The following NRG3 variants were observed in gnomAD, a reference collection of about 807,000 sequenced individuals.
The protein encoded by NRG3 is neuregulin 3, also known as pro-neuregulin-3, membrane-bound isoform.
NRG3 carries 31 observed loss-of-function variants against 66.9 expected under a neutral mutation model. The observed-to-expected ratio is 0.46, with a 90% CI of 0.35 to 0.63. The LOEUF (loss-of-function observed/expected upper bound fraction) is 0.63. Among genes scored for constraint, NRG3 ranks in the 20% least tolerant of loss-of-function variants. The probability of loss-of-function intolerance (pLI) is 0.00; values close to 1 mark genes in which losing one functional copy is unlikely to be tolerated. For synonymous variants in NRG3, 393 were observed against 359.4 expected (o/e 1.09, Z -1.06); for missense variants, 910 against 878.9 (o/e 1.04, Z -0.45).
chr10:82,644,213 A>C (rs1022936746), intron 2 of NRG3, among the ~76,000 whole-genome samples: 3 of 152,110 alleles, frequency 2.0e-5, no homozygotes, highest in Non-Finnish European at 4.4e-5. Context: ...CCACTTTCAG[A>C]GGTACCTGAT....
intron 1 of NRG3, among the ~76,000 whole-genome samples, chr10:82,328,128 A>G (rs2081964867): frequency 6.6e-6 from 1 of 152,320 alleles, no homozygotes; most frequent in East Asian, 1.9e-4. Context: ...AGGTGTTTAC[A>G]CAGAATTTGT....
intron 1 of NRG3, among the ~76,000 whole-genome samples, chr10:81,877,120 A>G (rs1224823118): frequency 6.6e-6 from 1 of 152,222 alleles, no homozygotes; most frequent in Non-Finnish European, 1.5e-5. Flanking sequence ...TGGGCTCAGT[A>G]TGAGCCAGTA....
intron 1 of NRG3, among the ~76,000 whole-genome samples, chr10:82,331,061 T>C (rs2135270926): frequency 6.6e-6 from 1 of 152,320 alleles, no homozygotes; most frequent in African/African-American, 2.4e-5. Flanking sequence ...GCATGAAAAC[T>C]AGGCCCACAC....
chr10:81,895,614 A>C (rs1435272849), intron 1 of NRG3, among the ~76,000 whole-genome samples: 1 of 152,142 alleles, frequency 6.6e-6, no homozygotes, highest in African/African-American at 2.4e-5. Flanking sequence ...ACTCTTAATG[A>C]TGAGATTATG....
intron 2 of NRG3, among the ~76,000 whole-genome samples, chr10:82,499,612 A>G (rs1843961629): frequency 6.6e-6 from 1 of 152,190 alleles, no homozygotes; most frequent in Non-Finnish European, 1.5e-5. Context: ...TCTCTAAGCA[A>G]AAAATAGGAC....
intron 1 of NRG3, among the ~76,000 whole-genome samples, chr10:82,092,565 A>G (rs1024193): frequency 0.69 from 104,600 of 151,880 alleles, 36,245 homozygotes; most frequent in Middle Eastern, 0.77. Flanking sequence ...TCCACAAAGA[A>G]GCATATCTTA....
At chr10:82,178,719 A>G (rs1036414726) in intron 1 of NRG3, among the ~76,000 whole-genome samples, 14 of 152,120 alleles carry the variant, frequency 9.2e-5, no homozygotes, top group Admixed American at 7.2e-4. Flanking sequence ...AATTTCAGTT[A>G]TGTTAGATAA....
intron 2 of NRG3, among the ~76,000 whole-genome samples, chr10:82,496,099 A>G (rs1297301420): frequency 6.6e-6 from 1 of 152,214 alleles, no homozygotes; most frequent in Non-Finnish European, 1.5e-5. Context: ...TGGCATTAGC[A>G]TTATGCATGC....
At chr10:82,135,234 T>C (rs2069247170) in intron 1 of NRG3, among the ~76,000 whole-genome samples, 1 of 152,110 alleles carries the variant, frequency 6.6e-6, no homozygotes, top group Non-Finnish European at 1.5e-5. Flanking sequence ...CATTGTATGT[T>C]ATTTCTTTCT....
chr10:82,488,699 C>T (rs1842872958), intron 2 of NRG3, among the ~76,000 whole-genome samples: 2 of 152,104 alleles, frequency 1.3e-5, no homozygotes, highest in African/African-American at 4.8e-5. Flanking sequence ...TTCACTCCAA[C>T]TCTGGGGGCT....
chr10:82,931,333 T>G (rs1324794176), intron 4 of NRG3, among the ~76,000 whole-genome samples: 1 of 152,198 alleles, frequency 6.6e-6, no homozygotes, highest in African/African-American at 2.4e-5. Context: ...TAAATAAATG[T>G]TAATGAAGGA....
At chr10:82,252,743 G>A (rs1346651445) in intron 1 of NRG3, among the ~76,000 whole-genome samples, 1 of 152,006 alleles carries the variant, frequency 6.6e-6, no homozygotes, top group Non-Finnish European at 1.5e-5. Flanking sequence ...CAAGGTTTCT[G>A]GATTGGAGAG....
intron 2 of NRG3, among the ~76,000 whole-genome samples, chr10:82,401,397 GACAC>G (rs3068949): frequency 6.6e-6 from 1 of 151,368 alleles, no homozygotes; most frequent in Non-Finnish European, 1.5e-5. Context: ...ATTATATATA[GACAC>G]ACACATATAC....
chr10:82,551,572 A>G (rs1475151389), intron 2 of NRG3, among the ~76,000 whole-genome samples: 2 of 150,932 alleles, frequency 1.3e-5, no homozygotes, highest in Non-Finnish European at 2.9e-5. Flanking sequence ...TAAAGGTATC[A>G]AGGTCTAAGT....
rs528612770 is a variant in NRG3 at position 82,743,400 on chromosome 10, A to G, written c.1027+4750A>G. Reference sequence around the variant, plus strand: ...ATTCAGAGGAAGACTGGTGAAAAATATGATATGGATTTAGACTTCCCATCA... The same window carrying G: ...ATTCAGAGGAAGACTGGTGAAAAATGTGATATGGATTTAGACTTCCCATCA... On this transcript the variant is annotated intron_variant, in intron 3 of 8. Coordinates refer to ENST00000372141, the MANE Select transcript of NRG3 (RefSeq NM_001010848.4). 2.6e-5 allele frequency among the ~76,000 whole-genome samples: 4 copies of G among 152,268 alleles called. No homozygotes were observed. The South Asian group carries it at 8.3e-4, about 32-fold the overall frequency.
chr10:82,047,946 A>G (rs1407466855), intron 1 of NRG3, among the ~76,000 whole-genome samples: 1 of 152,180 alleles, frequency 6.6e-6, no homozygotes, highest in African/African-American at 2.4e-5. Flanking sequence ...AGGGGTTGCA[A>G]TCCTCATCTC....
At chr10:82,033,476 C>T (rs191542097) in intron 1 of NRG3, among the ~76,000 whole-genome samples, 1 of 152,266 alleles carries the variant, frequency 6.6e-6, no homozygotes. Flanking sequence ...ATAACAATCA[C>T]TGGTCTCTAT....
intron 2 of NRG3, among the ~76,000 whole-genome samples, chr10:82,585,228 T>C (rs918722634): frequency 6.6e-6 from 1 of 152,120 alleles, no homozygotes; most frequent in Non-Finnish European, 1.5e-5. Context: ...AAAAGTATTC[T>C]TCAACAAGAA....
chr10:82,206,597 A>G (rs537830855), intron 1 of NRG3, among the ~76,000 whole-genome samples: 12 of 152,140 alleles, frequency 7.9e-5, no homozygotes, highest in African/African-American at 2.6e-4. Flanking sequence ...CACCCTTGAA[A>G]ACCATCTTCT....
Sources: gnomAD v4.1 joint callset for allele counts (sites outside exome capture counted in the v4.1 genomes callset) on GRCh38, gnomAD v4.1.1 for gene constraint, MANE v1.5 for transcripts, NCBI Gene and HGNC (gene_info 2026-07-23, HGNC 2026-07-21) for gene names.